The following MS4A7 variants were observed in gnomAD, a reference collection of about 807,000 sequenced individuals.
MS4A7 encodes membrane spanning 4-domains A7, also known as membrane-spanning 4-domains subfamily A member 7.
Under a neutral mutation model 23.5 loss-of-function variants are expected in MS4A7, and 21 were observed. The ratio of observed to expected loss-of-function variants is 0.89; its 90% CI spans 0.63 to 1.29. MS4A7 has a LOEUF of 1.29. MS4A7 is among the 50% of genes most tolerant of loss of function. The pLI, the probability that MS4A7 is intolerant of heterozygous loss-of-function variation, is 0.00. For synonymous variants in MS4A7, 111 were observed against 107.4 expected (o/e 1.03, Z -0.21); for missense variants, 263 against 274.2 (o/e 0.96, Z 0.29).
At position 60,385,242 on chromosome 11, in the gene MS4A7, T is replaced by A. The variant is rs1565166417; in HGVS notation, c.282+20T>A. 65 of 1,613,534 alleles carry A rather than the reference T, an allele frequency of 4.0e-5. No homozygotes were observed. Among genetic ancestry groups the A allele is most frequent in the Non-Finnish European group, 5.5e-5 (65 of 1,179,718 alleles). On this transcript the variant is annotated intron_variant, in intron 3 of 6. Transcript: ENST00000300184. ...CTGTGTGTGAGTAGAATGGGGACTC[T>A]AAGAGGGGACATGCTTTATAAATGC... is the stretch of plus-strand genomic sequence containing the variant.
chr11:60,387,355 C>T (rs1020087378), intron 4 of MS4A7, among the ~76,000 whole-genome samples: 2 of 152,244 alleles, frequency 1.3e-5, no homozygotes, highest in Admixed American at 6.5e-5. Flanking sequence ...ACTCTGTGAC[C>T]GTGGTAACAA....
At chr11:60,383,071 A>G in intron 1 of MS4A7, 58 bp from the exon 2 acceptor site, 1 of 1,561,046 alleles carries the variant, frequency 6.4e-7, no homozygotes, top group Non-Finnish European at 8.7e-7. Context: ...GGTCCCTGGG[A>G]AGTTTATGTC....
intron 4 of MS4A7, chr11:60,389,103 C>T (rs1304485840): frequency 5.7e-6 from 2 of 351,240 alleles, no homozygotes; most frequent in Non-Finnish European, 1.0e-5. Flanking sequence ...CTGAGCAGCA[C>T]TGTCTCTATC....
At chr11:60,379,738 T>C (rs2085409672) in intron 1 of MS4A7, among the ~76,000 whole-genome samples, 1 of 152,204 alleles carries the variant, frequency 6.6e-6, no homozygotes, top group South Asian at 2.1e-4. Flanking sequence ...TTTCACCATG[T>C]TGGCCACGCT....
At chr11:60,384,646 A>G (rs1030784363) in intron 2 of MS4A7, among the ~76,000 whole-genome samples, 1 of 152,256 alleles carries the variant, frequency 6.6e-6, no homozygotes, top group African/African-American at 2.4e-5. Context: ...CGAAATAATT[A>G]TTATTAAAAT....
In MS4A7 at chr11:60,395,437, C is replaced by A. The variant is rs950657920; in HGVS notation, c.*1576C>A. ...CCCTGCTATCGATGGTCGCTACAAA[C>A]CAGGAAATACTCAAGTTATTATGTG... On this transcript the variant is annotated 3_prime_UTR_variant, in exon 7 of 7. Transcript: ENST00000300184. 2.6e-5 allele frequency: 4 copies of A among 152,272 alleles called. No individual in the cohort carries two copies. Among genetic ancestry groups the A allele is most frequent in the Admixed American group, 1.3e-4 (2 of 15,272 alleles). 9.4% of individuals were successfully genotyped at this position (152,272 alleles called of 1,614,324 possible).
chr11:60,382,502 G>C (rs2085441485), intron 1 of MS4A7, among the ~76,000 whole-genome samples: 1 of 152,192 alleles, frequency 6.6e-6, no homozygotes, highest in Non-Finnish European at 1.5e-5. Context: ...TTGTTATAAG[G>C]ATTAGAGCTG....
chr11:60,378,986 C>T (rs1006164633), intron 1 of MS4A7, among the ~76,000 whole-genome samples: 2 of 152,214 alleles, frequency 1.3e-5, no homozygotes, highest in African/African-American at 4.8e-5. Flanking sequence ...CATGGTCCTA[C>T]TCTAATTCTG....
chr11:60,379,042 A>C (rs1247329012), intron 1 of MS4A7, among the ~76,000 whole-genome samples: 2 of 152,194 alleles, frequency 1.3e-5, no homozygotes, highest in Non-Finnish European at 2.9e-5. Context: ...CCATGTCATG[A>C]TTTATCTTCA....
chr11:60,392,770 A>C lies in MS4A7; in HGVS notation c.632A>C (p.Tyr211Ser). The C allele has an allele frequency of 6.2e-7, 1 of 1,612,586 alleles. No homozygotes were observed. The highest frequency in any genetic ancestry group is 1.1e-5 in the South Asian group (1 of 91,020). Residue 211 changes from tyrosine to serine, a missense_variant, in exon 6 of 7, where the codon TAC (tyrosine) becomes TCC (serine). Coordinates refer to ENST00000300184, the MANE Select transcript of MS4A7 (RefSeq NM_021201.5). ...TCTGTCTTTTGGTGGAAACAGCTCT[A>C]CTCCAACAACCCTGGGGTGAGTATG... The part of the protein sequence containing the change: ...YSSVFWWKQL[Y>S]SNNPGSSFSS...
intron 1 of MS4A7, among the ~76,000 whole-genome samples, chr11:60,382,890 C>A (rs2085445353): frequency 6.6e-6 from 1 of 152,116 alleles, no homozygotes; most frequent in African/African-American, 2.4e-5. Context: ...AATTGTGGGA[C>A]CCCTCAAAAT....
chr11:60,379,945 C>T lies in MS4A7; in HGVS notation c.-14+1281C>T, dbSNP rs72926622. 4.4e-3 allele frequency among the ~76,000 whole-genome samples: 667 copies of T among 152,306 alleles called. 1 individual carries two copies. The highest frequency in any genetic ancestry group is 0.024 in the Middle Eastern group (7 of 294). ...TTCTTGTCTTCCCAAACTGGAACTC[C>T]GTGCCCATTAAACAATAGCTTTCCA... On this transcript the variant is annotated intron_variant, in intron 1 of 6. Coordinates refer to ENST00000300184, the MANE Select transcript of MS4A7 (RefSeq NM_021201.5).
At chr11:60,383,108 G>A in intron 1 of MS4A7, 21 bp from the exon 2 acceptor site, 2 of 1,607,368 alleles carry the variant, frequency 1.2e-6, no homozygotes, top group South Asian at 1.1e-5. Flanking sequence ...GGAAGTAACT[G>A]AGTTTTGATG....
intron 1 of MS4A7, among the ~76,000 whole-genome samples, chr11:60,382,665 TA>T (rs771531939): frequency 2.6e-5 from 4 of 152,172 alleles, no homozygotes; most frequent in Non-Finnish European, 4.4e-5. Flanking sequence ...TCAACATTTT[TA>T]CGAAGACAAA....
In MS4A7 at chr11:60,385,131, C is replaced by T. The variant is rs756557819; in HGVS notation, c.191C>T (p.Ala64Val). The T allele has an allele frequency of 1.2e-5, 19 of 1,614,018 alleles. No individual in the cohort carries two copies. The East Asian group carries it at 4.0e-4, about 34-fold the overall frequency. Residue 64 changes from alanine to valine, a missense_variant, in exon 3 of 7, where the codon GCC becomes GTC. Transcript: ENST00000300184. ...TGCCTGTTGATTTCAAGTCTGGGGG[C>T]CATCTTGGTTTTTGCTCCCTACCCC... ...LCCLLISSLG[A>V]ILVFAPYPSH...
At position 60,389,228 on chromosome 11, in the gene MS4A7, C is replaced by A. The variant is rs2233250; in HGVS notation, c.340-162C>A. ...TTATATCACATGATTAACTAAATAG[C>A]GACAAGAGATACAAAGATGAATAAA... On this transcript the variant is annotated intron_variant, in intron 4 of 6. Coordinates refer to ENST00000300184, the MANE Select transcript of MS4A7 (RefSeq NM_021201.5). 2.5e-3 allele frequency: 1,486 copies of A among 599,846 alleles called. 7 individuals carry two copies. The highest frequency in any genetic ancestry group is 3.9e-3 in the Non-Finnish European group (1,328 of 337,662). 37.2% of individuals were successfully genotyped at this position (599,846 alleles called of 1,614,324 possible).
chr11:60,385,813 C>A (rs1437040467), intron 3 of MS4A7, among the ~76,000 whole-genome samples: 2 of 152,206 alleles, frequency 1.3e-5, no homozygotes, highest in African/African-American at 2.4e-5. Context: ...GTGGCCAGGG[C>A]AGACTCACAC....
Position 60,389,528 on chromosome 11 carries a change from C to T in MS4A7, c.478C>T (p.Pro160Ser), listed in dbSNP as rs1259806188. Residue 160 changes from proline (P) to serine (S), a missense_variant, in exon 5 of 7, where the codon CCT becomes TCT. Transcript: ENST00000300184. ...AGAAATGGATTATCTATCCTCATTG[C>T]CTTATTCGGAGTACTATTATCCAAT... ...GSEMDYLSSL[P>S]YSEYYYPIYE... The T allele has an allele frequency of 8.1e-6, 13 of 1,613,962 alleles. No individual in the cohort carries two copies. The highest frequency in any genetic ancestry group is 5.0e-5 in the Admixed American group (3 of 59,998).
chr11:60,381,561 A>G (rs1443176406), intron 1 of MS4A7, among the ~76,000 whole-genome samples: 2 of 152,246 alleles, frequency 1.3e-5, no homozygotes, highest in Non-Finnish European at 1.5e-5. Flanking sequence ...GGATAGTGTC[A>G]TTATCCTTAT....
Sources: allele counts gnomAD v4.1 joint callset (sites outside exome capture counted in the v4.1 genomes callset), GRCh38; gene constraint gnomAD v4.1.1; transcripts MANE v1.5; gene names NCBI Gene and HGNC (gene_info 2026-07-23, HGNC 2026-07-21).